PFKFB3: variants seen among roughly 807,000 people sequenced by gnomAD.
PFKFB3 encodes the protein 6-phosphofructo-2-kinase/fructose-2,6-biphosphatase 3, also known as 6-phosphofructo-2-kinase/fructose-2,6-bisphosphatase 3.
Under a neutral mutation model 68.0 loss-of-function variants are expected in PFKFB3, and 33 were observed. The observed-to-expected ratio is 0.49, with a 90% CI of 0.37 to 0.65. PFKFB3 has a LOEUF of 0.65. Ranked by LOEUF, PFKFB3 falls within the 30% of genes least tolerant of loss-of-function variation. The pLI, the probability that PFKFB3 is intolerant of heterozygous loss-of-function variation, is 0.00. For missense variants in PFKFB3, 586 were observed against 712.2 expected (o/e 0.82, Z 2.02); for synonymous variants, 315 against 288.2 (o/e 1.09, Z -0.94).
At chr10:6,294,007 C>G in the PFKFB3 span, 2 of 526,764 alleles carry the variant, frequency 3.8e-6, no homozygotes, top group African/African-American at 1.9e-5. Flanking sequence ...TTAATTTCTG[C>G]TCTACAAATT....
rs768485997 is a variant in PFKFB3 at position 6,219,697 on chromosome 10, A to T, written c.623+4A>T. 3 of 1,613,086 alleles carry T rather than the reference A, an allele frequency of 1.9e-6. No individual in the cohort carries two copies. The East Asian group carries it at 6.7e-5, about 36-fold the overall frequency. ...TCGACCCCGACAAATGCGACAGGTG[A>T]TTCCCGTGGCTGGCCGTCTCTGCAA... On this transcript the variant is annotated splice_donor_region_variant and intron_variant, in intron 7 of 14. Coordinates refer to ENST00000379775, the MANE Select transcript of PFKFB3 (RefSeq NM_004566.4).
At chr10:6,298,859 G>A in the PFKFB3 span, among the ~76,000 whole-genome samples, 1 of 152,168 alleles carries the variant, frequency 6.6e-6, no homozygotes, top group Non-Finnish European at 1.5e-5. Context: ...AGCATTTGGT[G>A]GCTTATAGTG....
At chr10:6,187,643 G>A (rs1351084441) in intron 1 of PFKFB3, among the ~76,000 whole-genome samples, 1 of 152,194 alleles carries the variant, frequency 6.6e-6, no homozygotes, top group Non-Finnish European at 1.5e-5. Flanking sequence ...TGAAATATTA[G>A]TGATGTCTTG....
intron 6 of PFKFB3, among the ~76,000 whole-genome samples, chr10:6,219,309 G>A (rs889054820): frequency 1.2e-4 from 18 of 152,236 alleles, no homozygotes; most frequent in African/African-American, 4.3e-4. Flanking sequence ...ATTCAGAGGT[G>A]TTCATTATGG....
At chr10:6,312,298 G>A in the PFKFB3 span, among the ~76,000 whole-genome samples, 1 of 131,088 alleles carries the variant, frequency 7.6e-6, no homozygotes, top group Non-Finnish European at 1.6e-5. Context: ...TTGTATCTTG[G>A]AAGAATAAAA....
At chr10:6,277,966 G>A in the PFKFB3 span, among the ~76,000 whole-genome samples, 1 of 151,726 alleles carries the variant, frequency 6.6e-6, no homozygotes, top group Non-Finnish European at 1.5e-5. Flanking sequence ...CATCAAGCTG[G>A]AGTGCAGTGG....
chr10:6,277,359 T>G, the PFKFB3 span, among the ~76,000 whole-genome samples: 1 of 151,834 alleles, frequency 6.6e-6, no homozygotes, highest in Non-Finnish European at 1.5e-5. Flanking sequence ...TAGCTGGGAT[T>G]ACAGGTGCAC....
intron 1 of PFKFB3, among the ~76,000 whole-genome samples, chr10:6,204,933 C>T (rs1213479428): frequency 1.3e-5 from 2 of 152,206 alleles, no homozygotes; most frequent in African/African-American, 4.8e-5. Flanking sequence ...GCTCTGAGAT[C>T]TGTTGGCATC....
rs776304510 is a variant in PFKFB3, at chr10:6,215,337, G to T, written c.299+20G>T. Reference sequence around the variant, plus strand: ...CCGGAAGTAAGGCTGGGCCGCGGGCGTAGGGCTGGGCTGTGGGAATAAGGC... The same window carrying T: ...CCGGAAGTAAGGCTGGGCCGCGGGCTTAGGGCTGGGCTGTGGGAATAAGGC... On this transcript the variant is annotated intron_variant, in intron 3 of 14. Coordinates refer to ENST00000379775, the MANE Select transcript of PFKFB3 (RefSeq NM_004566.4). The surrounding 1 kb of genome is among the most constrained non-coding windows in gnomAD (Gnocchi z 4.3). The T allele has an allele frequency of 1.1e-5, 18 of 1,582,660 alleles. No homozygotes were observed. Among genetic ancestry groups the T allele is most frequent in the Non-Finnish European group, 1.5e-5 (17 of 1,152,690 alleles).
chr10:6,254,301 C>T (rs530332999), exon 15 of PFKFB3: 108 of 398,558 alleles, frequency 2.7e-4, no homozygotes, highest in Non-Finnish European at 4.3e-4. Flanking sequence ...CGGGGCTGCA[C>T]CAAGCATCCC....
intron 14 of PFKFB3, among the ~76,000 whole-genome samples, chr10:6,247,929 G>T (rs1290422370): frequency 1.3e-5 from 2 of 152,172 alleles, no homozygotes; most frequent in Non-Finnish European, 2.9e-5. Context: ...AAAAACTCAG[G>T]CTGAGAGGTT....
intron 1 of PFKFB3, among the ~76,000 whole-genome samples, chr10:6,177,056 G>C (rs1218728500): frequency 6.6e-6 from 1 of 152,174 alleles, no homozygotes; most frequent in Non-Finnish European, 1.5e-5. Flanking sequence ...TGATTTCCCA[G>C]GCTGGCCTCT....
intron 14 of PFKFB3, among the ~76,000 whole-genome samples, chr10:6,226,996 G>T (rs569178243): frequency 2.1e-4 from 32 of 152,196 alleles, no homozygotes; most frequent in Non-Finnish European, 4.0e-4. Flanking sequence ...TGAGGCAGGA[G>T]AATTGCTTGA....
the PFKFB3 span, among the ~76,000 whole-genome samples, chr10:6,275,413 G>A: frequency 6.6e-6 from 1 of 152,186 alleles, no homozygotes; most frequent in East Asian, 1.9e-4. This position sits in a 1 kb window ranked among gnomAD's most constrained non-coding sequence, Gnocchi z 4.9. Context: ...GACACTCCAT[G>A]CCAGGAAGTA....
At chr10:6,204,508 C>T (rs1759390722) in intron 1 of PFKFB3, among the ~76,000 whole-genome samples, 2 of 152,228 alleles carry the variant, frequency 1.3e-5, no homozygotes, top group Admixed American at 6.5e-5. Context: ...AGACCTGCCC[C>T]TCTCCCCACA....
chr10:6,162,778 C>G (rs546928666), intron 1 of PFKFB3, among the ~76,000 whole-genome samples: 1 of 152,286 alleles, frequency 6.6e-6, no homozygotes, highest in South Asian at 2.1e-4. Flanking sequence ...GTCTTAACTC[C>G]TGTTCCAGGC....
chr10:6,256,373 C>A (rs932223855), downstream of PFKFB3, among the ~76,000 whole-genome samples: 11 of 152,094 alleles, frequency 7.2e-5, no homozygotes, highest in East Asian at 5.8e-4. Context: ...GTTTCGTCAT[C>A]CCTCATGGAA....
At chr10:6,244,611 T>G (rs1226648740) in intron 14 of PFKFB3, among the ~76,000 whole-genome samples, 1 of 152,014 alleles carries the variant, frequency 6.6e-6, no homozygotes, top group African/African-American at 2.4e-5. Context: ...TACACGGTAA[T>G]AAATTAGTTC....
intron 1 of PFKFB3, among the ~76,000 whole-genome samples, chr10:6,177,456 CT>C (rs754133087): frequency 1.9e-5 from 2 of 104,506 alleles, no homozygotes; most frequent in Admixed American, 1.0e-4. Flanking sequence ...TTCTTTCTTT[CT>C]TTCTTTCTTT....
Sources: gnomAD v4.1 joint callset for allele counts (sites outside exome capture counted in the v4.1 genomes callset) on GRCh38, gnomAD v4.1.1 for gene constraint, Gnocchi (gnomAD v3.1) non-coding constraint, MANE v1.5 for transcripts, NCBI Gene and HGNC (gene_info 2026-07-23, HGNC 2026-07-21) for gene names.